Variants in RIMBP2 observed in about 807,000 individuals in gnomAD.
The protein encoded by RIMBP2 is RIMS binding protein 2, also known as RIMS-binding protein 2.
In RIMBP2, 48 loss-of-function variants were observed where a neutral mutation model predicts 118.6. The ratio of observed to expected loss-of-function variants is 0.40; its 90% CI spans 0.32 to 0.51. RIMBP2 has a LOEUF of 0.51. Among genes scored for constraint, RIMBP2 ranks in the 20% least tolerant of loss-of-function variants. RIMBP2 has a pLI of 0.41. For missense variants in RIMBP2, 1,551 were observed against 1,768.3 expected (o/e 0.88, Z 2.20); for synonymous variants, 762 against 742.9 (o/e 1.03, Z -0.42).
At chr12:130,613,383 G>C (rs910317248) in intron 2 of RIMBP2, among the ~76,000 whole-genome samples, 1 of 152,164 alleles carries the variant, frequency 6.6e-6, no homozygotes, top group African/African-American at 2.4e-5. Context: ...GAAGCCACAG[G>C]GCAAGAGAAC....
chr12:130,459,775 C>A (rs938261110), intron 6 of RIMBP2, among the ~76,000 whole-genome samples: 1 of 151,154 alleles, frequency 6.6e-6, no homozygotes, highest in Non-Finnish European at 1.5e-5. Context: ...CCAGAAATGA[C>A]GGGGGGTGGG....
At chr12:130,520,351 G>A (rs903694079) in intron 2 of RIMBP2, among the ~76,000 whole-genome samples, 6 of 152,034 alleles carry the variant, frequency 3.9e-5, no homozygotes, top group African/African-American at 9.7e-5. Context: ...TGGTCCAAGC[G>A]TGAACAGGCA....
chr12:130,634,849 G>T (rs1479243040), intron 1 of RIMBP2, among the ~76,000 whole-genome samples: 1 of 152,106 alleles, frequency 6.6e-6, no homozygotes, highest in Non-Finnish European at 1.5e-5. Context: ...TCCACCTGCT[G>T]CAGCTTCCCA....
intron 1 of RIMBP2, among the ~76,000 whole-genome samples, chr12:130,699,520 C>T (rs1182145411): frequency 1.5e-5 from 2 of 134,426 alleles, no homozygotes; most frequent in African/African-American, 2.9e-5. Flanking sequence ...TAGGTGGGAA[C>T]TGAACAATGA....
Position 130,648,034 on chromosome 12 carries a change from T to TGTGA in RIMBP2, c.-351-19579_-351-19578insTCAC, listed in dbSNP as rs1416764834. Among the ~76,000 whole-genome samples the TGTGA allele has an allele frequency of 6.2e-4, 80 of 128,292 alleles. 11 individuals are homozygous for TGTGA. The highest frequency in any genetic ancestry group is 1.2e-3 in the Non-Finnish European group (62 of 53,428). 84.2% of individuals were successfully genotyped at this position (128,292 alleles called of 152,430 possible). A position where few individuals can be genotyped will look rare whatever the true frequency, so the allele number is the denominator to read the frequency against. On this transcript the variant is annotated intron_variant, in intron 1 of 22. Transcript: ENST00000690449. ...GCACACACATGTGAACACACGTGTG[T>TGTGA]ACACACCCGCCTCACGTGGTACAGA...
chr12:130,708,175 T>C (rs1452184065), intron 1 of RIMBP2, among the ~76,000 whole-genome samples: 4 of 152,124 alleles, frequency 2.6e-5, no homozygotes, highest in Non-Finnish European at 5.9e-5. Context: ...ACGTAAGATG[T>C]CCACGGCGGG....
Position 130,441,835 on chromosome 12 carries a change from A to T in RIMBP2, c.1504+13T>A, listed in dbSNP as rs1410518117. Reference sequence around the variant, plus strand: ...CTCTCCCTGGGGGACCCACGGAAGGACACAGGGCTCACCTGCAGGCAACGT... The same window carrying T: ...CTCTCCCTGGGGGACCCACGGAAGGTCACAGGGCTCACCTGCAGGCAACGT... On this transcript the variant is annotated intron_variant, in intron 11 of 22. Coordinates refer to ENST00000690449, the MANE Select transcript of RIMBP2 (RefSeq NM_001393629.1). 1.9e-6 allele frequency: 3 copies of T among 1,610,852 alleles called. No homozygotes were observed. In the East Asian group the frequency reaches 6.7e-5, roughly 36 times the overall value.
chr12:130,619,925 C>T (rs141533066), intron 2 of RIMBP2, among the ~76,000 whole-genome samples: 1 of 152,330 alleles, frequency 6.6e-6, no homozygotes, highest in African/African-American at 2.4e-5. Context: ...CCTGCAGACA[C>T]ATGCTGTCCT....
intron 2 of RIMBP2, among the ~76,000 whole-genome samples, chr12:130,577,195 T>C (rs1328599635): frequency 6.6e-6 from 1 of 152,224 alleles, no homozygotes; most frequent in Non-Finnish European, 1.5e-5. Flanking sequence ...TCTTCTCATC[T>C]GTAAAACAGG....
chr12:130,437,339 C>T (rs746302629), intron 12 of RIMBP2, 48 bp from the exon 13 acceptor site: 26 of 1,488,858 alleles, frequency 1.7e-5, no homozygotes, highest in East Asian at 4.9e-5. Flanking sequence ...GTGAGCCCCG[C>T]GGTCCTGCAA....
intron 6 of RIMBP2, among the ~76,000 whole-genome samples, chr12:130,468,064 TCCAAGGACACAAACA>T (rs1191806823): frequency 6.6e-6 from 1 of 152,182 alleles, no homozygotes; most frequent in Non-Finnish European, 1.5e-5. Flanking sequence ...TGCCCCATTC[TCCAAGGACACAAACA>T]CCTAGACATG....
chr12:130,432,008 GTCAA>G (rs2077182849), intron 14 of RIMBP2: 2 of 202,502 alleles, frequency 9.9e-6, no homozygotes, highest in African/African-American at 4.7e-5. Context: ...GTGGCCACAT[GTCAA>G]GGGCTCTGGG....
At chr12:130,613,128 C>T (rs12301977) in intron 2 of RIMBP2, among the ~76,000 whole-genome samples, 13,636 of 152,266 alleles carry the variant, frequency 0.09, 691 homozygotes, top group East Asian at 0.16. Flanking sequence ...TGGAAAGTCG[C>T]ATCTGTCAGA....
intron 5 of RIMBP2, among the ~76,000 whole-genome samples, chr12:130,477,717 G>A (rs1271314857): frequency 1.3e-5 from 2 of 152,206 alleles, no homozygotes; most frequent in Non-Finnish European, 2.9e-5. Context: ...GAGGAGAAAC[G>A]CTGCTCCGGC....
rs1227500886 is a variant in RIMBP2, at chr12:130,431,594, ATAT to A, written c.2253+3137_2253+3139del. Reference sequence around the variant, plus strand: ...TTAACAATATATATTAACAATTAATATATTGTTATATTATTATGTTATGAATAC... The same window carrying A: ...TTAACAATATATATTAACAATTAATATGTTATATTATTATGTTATGAATAC... On this transcript the variant is annotated intron_variant, in intron 14 of 22. Coordinates refer to ENST00000690449, the MANE Select transcript of RIMBP2 (RefSeq NM_001393629.1). The surrounding 1 kb of genome is among the most constrained non-coding windows in gnomAD (Gnocchi z 4.0). 1 of 161,264 alleles carries A rather than the reference ATAT, an allele frequency of 6.2e-6. No homozygotes were observed. The highest frequency in any genetic ancestry group is 1.3e-5 in the Non-Finnish European group (1 of 75,366). 10.0% of individuals were successfully genotyped at this position (161,264 alleles called of 1,614,324 possible).
chr12:130,400,011 T>C (rs566497858), intron 21 of RIMBP2, among the ~76,000 whole-genome samples, 198 bp from the exon 22 acceptor site: 22 of 152,300 alleles, frequency 1.4e-4, no homozygotes, highest in Non-Finnish European at 2.9e-4. Context: ...GCCCCTTTCC[T>C]GGGGTCTTGA....
chr12:130,691,468 G>A (rs1339916154), intron 1 of RIMBP2, among the ~76,000 whole-genome samples: 1 of 152,116 alleles, frequency 6.6e-6, no homozygotes, highest in Non-Finnish European at 1.5e-5. Context: ...CCAAAAGTTT[G>A]AGACCAGCCT....
intron 1 of RIMBP2, among the ~76,000 whole-genome samples, chr12:130,632,577 G>C (rs2062066786): frequency 6.6e-6 from 1 of 152,088 alleles, no homozygotes; most frequent in African/African-American, 2.4e-5. Context: ...CTTTGCTCTG[G>C]GGCCCCTCCT....
intron 17 of RIMBP2, among the ~76,000 whole-genome samples, chr12:130,418,759 A>G (rs1046332447): frequency 6.6e-6 from 1 of 152,170 alleles, no homozygotes; most frequent in Non-Finnish European, 1.5e-5. Context: ...CCTACGTAAG[A>G]GTGCATTTTC....
Sources: gnomAD v4.1 joint callset for allele counts (sites outside exome capture counted in the v4.1 genomes callset) on GRCh38, gnomAD v4.1.1 for gene constraint, Gnocchi (gnomAD v3.1) non-coding constraint, MANE v1.5 for transcripts, NCBI Gene and HGNC (gene_info 2026-07-23, HGNC 2026-07-21) for gene names.